PLXNC1: variants seen among roughly 807,000 people sequenced by gnomAD.
PLXNC1 encodes plexin-C1.
In PLXNC1, 75 loss-of-function variants were observed where a neutral mutation model predicts 178.2. The observed-to-expected ratio is 0.42, with a 90% CI of 0.35 to 0.51. The LOEUF is 0.51. Among genes scored for constraint, PLXNC1 ranks in the 20% least tolerant of loss-of-function variants. PLXNC1 has a pLI of 0.02. For synonymous variants in PLXNC1, 790 were observed against 779.9 expected, an observed-to-expected ratio of 1.01 and a Z score of -0.22; for missense variants, 1,503 against 1,984.4, an observed-to-expected ratio of 0.76 and a Z score of 4.61.
chr12:94,151,498 G>A (rs547961599), intron 1 of PLXNC1, among the ~76,000 whole-genome samples: 2 of 152,192 alleles, frequency 1.3e-5, no homozygotes, highest in East Asian at 1.9e-4. Context: ...TGCTGTTGCC[G>A]TACACATATA....
chr12:94,218,696 T>C (rs1357411580), intron 5 of PLXNC1, among the ~76,000 whole-genome samples: 2 of 152,006 alleles, frequency 1.3e-5, no homozygotes, highest in Admixed American at 6.6e-5. Flanking sequence ...GTGTCCCTAC[T>C]ATACACACAC....
Position 94,301,112 on chromosome 12 carries a change from G to A in PLXNC1, c.4386+55G>A, listed in dbSNP as rs1156507512. 1.1e-5 allele frequency: 17 copies of A among 1,520,898 alleles called. No homozygotes were observed. In the East Asian group the frequency reaches 3.6e-4, roughly 32 times the overall value. The allele number at this position is 1,520,898 out of a possible 1,614,324, so 94.2% of individuals were successfully genotyped here. On this transcript the variant is annotated intron_variant, in intron 28 of 30. Transcript: ENST00000258526. ...GCAGTCTTATGAGTTTGACATACTTGTCTTTCTGATAAGCATTCAAATAAT... is the reference window on the plus strand; with the variant it reads ...GCAGTCTTATGAGTTTGACATACTTATCTTTCTGATAAGCATTCAAATAAT...
Position 94,177,204 on chromosome 12 carries a change from TATATATATGTGTGTGTATATATATAC to T in PLXNC1, c.1204-4233_1204-4208del, listed in dbSNP as rs1295113959. Among the ~76,000 whole-genome samples the T allele has an allele frequency of 2.6e-3, 142 of 54,376 alleles. 1 individual carries two copies. Among genetic ancestry groups the T allele is most frequent in the Admixed American group, 0.025 (109 of 4,444 alleles). 35.7% of individuals were successfully genotyped at this position (54,376 alleles called of 152,430 possible). A position where few individuals can be genotyped will look rare whatever the true frequency, so the allele number is the denominator to read the frequency against. On this transcript the variant is annotated intron_variant, in intron 2 of 30. Transcript: ENST00000258526. ...ATATATATGTATATATATATACGTA[TATATATATGTGTGTGTATATATATAC>T]ATATATATATATATATATATATGTA...
chr12:94,240,443 G>A (rs1187810863), intron 10 of PLXNC1, 42 bp from the exon 11 acceptor site: 1 of 1,483,048 alleles, frequency 6.7e-7, no homozygotes, highest in Non-Finnish European at 9.4e-7. Flanking sequence ...ACTGTGCTAA[G>A]TGTCTGTGTC....
intron 26 of PLXNC1, among the ~76,000 whole-genome samples, chr12:94,298,310 C>A (rs1472540184): frequency 6.6e-6 from 1 of 152,208 alleles, no homozygotes; most frequent in Non-Finnish European, 1.5e-5. Context: ...AGCCAAATAT[C>A]CATGGCTTCC....
rs888841735 is a variant in PLXNC1, at chr12:94,292,437, A to G, written c.3880-2049A>G. On this transcript the variant is annotated intron_variant, in intron 23 of 30. Transcript: ENST00000258526. ...GCACACTTAATATTAGCAAAAGTTA[A>G]GCATGTCCCACATTATGCTTACATT... 3.9e-5 allele frequency among the ~76,000 whole-genome samples: 6 copies of G among 152,348 alleles called. No homozygotes were observed. The East Asian group carries it at 1.2e-3, about 29-fold the overall frequency.
intron 14 of PLXNC1, among the ~76,000 whole-genome samples, chr12:94,250,869 A>G (rs1014749257): frequency 6.6e-6 from 1 of 152,020 alleles, no homozygotes; most frequent in Admixed American, 6.6e-5. Flanking sequence ...AAATTTAAAA[A>G]TTAGCCAGGT....
intron 21 of PLXNC1, chr12:94,278,262 G>C: frequency 2.9e-6 from 1 of 350,718 alleles, no homozygotes; most frequent in Non-Finnish European, 5.7e-6. Flanking sequence ...TTCTGACTTT[G>C]TGATTACCAA....
chr12:94,304,150 G>A (rs981420578), intron 30 of PLXNC1, 99 bp downstream of exon 30: 3 of 756,388 alleles, frequency 4.0e-6, no homozygotes, highest in Admixed American at 5.7e-5. Flanking sequence ...CATCCCAAAA[G>A]GCCAGAAAGG....
intron 5 of PLXNC1, among the ~76,000 whole-genome samples, chr12:94,218,812 A>G (rs1430268132): frequency 6.6e-6 from 1 of 152,212 alleles, no homozygotes; most frequent in Non-Finnish European, 1.5e-5. Flanking sequence ...GACCACAAGC[A>G]AAACCTTAAC....
intron 14 of PLXNC1, among the ~76,000 whole-genome samples, chr12:94,250,279 A>C (rs933337521): frequency 6.6e-6 from 1 of 152,192 alleles, no homozygotes; most frequent in Admixed American, 6.5e-5. Context: ...TGCAGAAGGC[A>C]TGGGAGAGTT....
chr12:94,209,679 A>C lies in PLXNC1; in HGVS notation c.1529A>C (p.Gln510Pro). The change falls in exon 5 of 31, where the codon CAG becomes CCG. Residue 510 changes from glutamine (Q) to proline (P), a missense_variant. Gln to Pro is a moderately conservative substitution (Grantham distance 76, BLOSUM62 -1). Around this residue, in one of 4 missense-constraint regions of PLXNC1, gnomAD observed 615 missense variants for 698.6 expected, o/e 0.88. Transcript: ENST00000258526. ...GGAGCAAAAAAGTGCCCTAAAATTC[A>C]GATAATTCGAAGCAGTAAAGAAAAG... ...SSGAKKCPKI[Q>P]IIRSSKEKTT... The C allele has an allele frequency of 6.2e-7, 1 of 1,609,342 alleles. No individual in the cohort carries two copies. Among genetic ancestry groups the C allele is most frequent in the Non-Finnish European group, 8.5e-7 (1 of 1,175,592 alleles).
chr12:94,176,923 T>C (rs990183019), intron 2 of PLXNC1, among the ~76,000 whole-genome samples: 3 of 151,736 alleles, frequency 2.0e-5, no homozygotes, highest in Admixed American at 2.0e-4. Context: ...ATTATTTTTA[T>C]AGCTAAATAG....
At chr12:94,154,252 G>A (rs1961072761) in intron 1 of PLXNC1, among the ~76,000 whole-genome samples, 1 of 152,214 alleles carries the variant, frequency 6.6e-6, no homozygotes, top group African/African-American at 2.4e-5. Context: ...GGCCCAGAGA[G>A]CTTCTGTTAG....
At position 94,282,488 on chromosome 12, in the gene PLXNC1, C is replaced by T. The variant is rs958745482; in HGVS notation, c.3879+87C>T. 5 of 869,254 alleles carry T rather than the reference C, an allele frequency of 5.8e-6. No homozygotes were observed. In the Admixed American group the frequency reaches 8.8e-5, roughly 15 times the overall value. 53.8% of individuals were successfully genotyped at this position (869,254 alleles called of 1,614,324 possible). ...TCTTTTAAAACATCCAGGACTCCCA[C>T]CCATTTCCTGGAATGACTTGCAGAT... On this transcript the variant is annotated intron_variant, in intron 23 of 30. Coordinates refer to ENST00000258526, the MANE Select transcript of PLXNC1 (RefSeq NM_005761.3).
At chr12:94,177,129 GTA>G (rs1555195605) in intron 2 of PLXNC1, among the ~76,000 whole-genome samples, 48 of 82,918 alleles carry the variant, frequency 5.8e-4, no homozygotes, top group Admixed American at 3.8e-3. Context: ...GTGTGTGTGT[GTA>G]TATATATGTG....
chr12:94,181,711 G>T lies in PLXNC1; in HGVS notation c.1338+131G>T, dbSNP rs561133699. ...AGTGCCCCAGGCTTTGAGGAGACCCGCAGTGGTTCACAGGCACGGAATTAA... is the reference window on the plus strand; with the variant it reads ...AGTGCCCCAGGCTTTGAGGAGACCCTCAGTGGTTCACAGGCACGGAATTAA... On this transcript the variant is annotated intron_variant, in intron 3 of 30. Transcript: ENST00000258526. 3 of 715,804 alleles carry T rather than the reference G, an allele frequency of 4.2e-6. No homozygotes were observed. The South Asian group carries it at 5.2e-5, about 12-fold the overall frequency. The allele number at this position is 715,804 out of a possible 1,614,324, so 44.3% of individuals were successfully genotyped here. A position where few individuals can be genotyped will look rare whatever the true frequency, so the allele number is the denominator to read the frequency against.
chr12:94,238,880 C>T (rs1035598357), intron 10 of PLXNC1, among the ~76,000 whole-genome samples: 1 of 152,160 alleles, frequency 6.6e-6, no homozygotes, highest in Non-Finnish European at 1.5e-5. Flanking sequence ...CCAGAATTAT[C>T]AAGCACACAT....
chr12:94,212,250 G>T (rs1963494170), intron 5 of PLXNC1, among the ~76,000 whole-genome samples: 1 of 142,972 alleles, frequency 7.0e-6, no homozygotes, highest in East Asian at 2.0e-4. Context: ...CTCCAGCCTG[G>T]GCGACAGAGC....
Sources: gnomAD v4.1 joint callset for allele counts (sites outside exome capture counted in the v4.1 genomes callset) on GRCh38, gnomAD v4.1.1 for gene constraint, gnomAD v4.1.1 regional missense constraint, MANE v1.5 for transcripts, NCBI Gene and HGNC (gene_info 2026-07-23, HGNC 2026-07-21) for gene names.